Variants in NCOA3 observed in about 807,000 individuals in gnomAD.
NCOA3 encodes the protein nuclear receptor coactivator 3, also known as CBP-interacting protein.
Under a neutral mutation model 158.8 loss-of-function variants are expected in NCOA3, and 51 were observed. The observed-to-expected ratio is 0.32, with a 90% CI of 0.26 to 0.41. The LOEUF is 0.41. Ranked by LOEUF, NCOA3 falls within the 10% of genes least tolerant of loss-of-function variation. The pLI is 1.00. For synonymous variants in NCOA3, 537 were observed against 592.4 expected (o/e 0.91, Z 1.36); for missense variants, 1,510 against 1,746.6 (o/e 0.86, Z 2.41).
At chr20:47,649,786 G>C (rs2146345564) in intron 19 of NCOA3, among the ~76,000 whole-genome samples, 1 of 152,206 alleles carries the variant, frequency 6.6e-6, no homozygotes, top group African/African-American at 2.4e-5. Flanking sequence ...ACATCTTGTG[G>C]AAGCTGAGCT....
intron 1 of NCOA3, among the ~76,000 whole-genome samples, chr20:47,532,326 A>T (rs2084560237): frequency 6.6e-6 from 1 of 152,150 alleles, no homozygotes; most frequent in Non-Finnish European, 1.5e-5. Context: ...GTGAATTTGA[A>T]GAACAGCAAG....
intron 12 of NCOA3, 118 bp downstream of exon 12, chr20:47,636,880 ATTTC>A: frequency 2.2e-6 from 2 of 906,782 alleles, no homozygotes; most frequent in Non-Finnish European, 3.2e-6. Flanking sequence ...TTTAGCTCTC[ATTTC>A]TTTATAATTA....
chr20:47,618,670 T>A, intron 2 of NCOA3, among the ~76,000 whole-genome samples: 1 of 152,124 alleles, frequency 6.6e-6, no homozygotes, highest in East Asian at 1.9e-4. Context: ...TAGTACCTTT[T>A]TGGATAATTA....
At chr20:47,581,085 CAG>C (rs2085445221) in intron 1 of NCOA3, among the ~76,000 whole-genome samples, 1 of 151,912 alleles carries the variant, frequency 6.6e-6, no homozygotes, top group Non-Finnish European at 1.5e-5. Context: ...AGTCTGGGCA[CAG>C]AGTGAGATCC....
chr20:47,642,167 G>GA (rs11480806), intron 16 of NCOA3, 46 bp from the exon 17 acceptor site: 74,479 of 1,006,074 alleles, frequency 0.074, 1,047 homozygotes, highest in African/African-American at 0.23. Context: ...ATTACTCTTA[G>GA]AAAAAAAAAA....
intron 1 of NCOA3, among the ~76,000 whole-genome samples, chr20:47,575,068 G>A (rs1281070969): frequency 6.6e-6 from 1 of 152,126 alleles, no homozygotes; most frequent in Non-Finnish European, 1.5e-5. Flanking sequence ...CTATCTGAGG[G>A]TTAATAATAA....
At chr20:47,502,491 C>G (rs2083951877) in intron 1 of NCOA3, among the ~76,000 whole-genome samples, 1 of 152,136 alleles carries the variant, frequency 6.6e-6, no homozygotes, top group Admixed American at 6.5e-5. Context: ...AGCCTCCCAG[C>G]CGGGTGAGAT....
chr20:47,568,430 A>AAGT (rs1397968112), intron 1 of NCOA3, among the ~76,000 whole-genome samples: 2 of 152,176 alleles, frequency 1.3e-5, no homozygotes, highest in Non-Finnish European at 2.9e-5. Flanking sequence ...AGTAGATAAA[A>AAGT]AGTTATGTTT....
rs1393331448 is a variant in NCOA3 at position 47,654,684 on chromosome 20, T to G, written c.*1267T>G. The G allele has an allele frequency of 1.3e-5, 2 of 152,648 alleles. No individual in the cohort carries two copies. The highest frequency in any genetic ancestry group is 1.9e-4 in the East Asian group (1 of 5,188). 9.5% of individuals were successfully genotyped at this position (152,648 alleles called of 1,614,324 possible). On this transcript the variant is annotated 3_prime_UTR_variant, in exon 23 of 23. Coordinates refer to ENST00000371998, the MANE Select transcript of NCOA3 (RefSeq NM_181659.3). ...ATTTGTTTAGATGTAGGCATTTTAA[T>G]TTTTTAAAAATTCCTCTACCAGAAC...
At chr20:47,627,849 C>A in intron 7 of NCOA3, 73 bp from the exon 8 acceptor site, 1 of 1,567,718 alleles carries the variant, frequency 6.4e-7, no homozygotes, top group Non-Finnish European at 8.8e-7. Flanking sequence ...AATTCCATGT[C>A]TTTGCTTGCC....
intron 2 of NCOA3, among the ~76,000 whole-genome samples, chr20:47,585,200 C>A (rs984597897): frequency 1.3e-5 from 2 of 151,846 alleles, no homozygotes; most frequent in Non-Finnish European, 2.9e-5. Flanking sequence ...TACAGGCGTG[C>A]ACGGCCACAT....
At position 47,649,118 on chromosome 20, in the gene NCOA3, G is replaced by C. The variant is rs745385074; in HGVS notation, c.3651+9G>C. 1 of 1,587,972 alleles carries C rather than the reference G, an allele frequency of 6.3e-7. No individual in the cohort carries two copies. The highest frequency in any genetic ancestry group is 1.3e-5 in the African/African-American group (1 of 74,450). ...CCCAGGTGAGCTCCCAGGTGAGGATGATAAGCCTCTCCACATGCATTGCTC... is the reference window on the plus strand; with the variant it reads ...CCCAGGTGAGCTCCCAGGTGAGGATCATAAGCCTCTCCACATGCATTGCTC... On this transcript the variant is annotated intron_variant, in intron 19 of 22. Transcript: ENST00000371998.
intron 2 of NCOA3, among the ~76,000 whole-genome samples, chr20:47,593,483 A>C (rs1228409362): frequency 1.3e-5 from 2 of 151,156 alleles, no homozygotes; most frequent in Non-Finnish European, 2.9e-5. Context: ...CTGCGACTAC[A>C]GGCGCCCGCC....
At chr20:47,635,236 T>A (rs1215528140) in intron 10 of NCOA3, 86 bp from the exon 11 acceptor site, 4 of 1,384,176 alleles carry the variant, frequency 2.9e-6, no homozygotes, top group East Asian at 2.5e-5. Flanking sequence ...GCTGGTTTTT[T>A]AAAATTTTAT....
intron 2 of NCOA3, among the ~76,000 whole-genome samples, chr20:47,617,403 A>G (rs1446953120): frequency 1.3e-5 from 2 of 152,192 alleles, no homozygotes; most frequent in African/African-American, 2.4e-5. Flanking sequence ...TCAGGTAGTT[A>G]CTGTTCCATG....
At chr20:47,615,205 T>A (rs2086112598) in intron 2 of NCOA3, among the ~76,000 whole-genome samples, 1 of 152,242 alleles carries the variant, frequency 6.6e-6, no homozygotes, top group Non-Finnish European at 1.5e-5. Flanking sequence ...ATGAGATGTC[T>A]AGTATTGTAC....
intron 3 of NCOA3, 117 bp from the exon 4 acceptor site, chr20:47,623,787 CTCGAGGA>C (rs2086278703): frequency 1.1e-6 from 1 of 913,590 alleles, no homozygotes; most frequent in South Asian, 2.0e-5. Context: ...AAAACTCTGT[CTCGAGGA>C]AAAAAAAAAA....
intron 1 of NCOA3, 39 bp from the exon 2 acceptor site, chr20:47,583,144 A>T: frequency 5.0e-6 from 2 of 398,612 alleles, no homozygotes; most frequent in Non-Finnish European, 8.8e-6. Flanking sequence ...TGAAGAAAAG[A>T]CAATAAAATT....
chr20:47,595,944 T>G (rs1231179999), intron 2 of NCOA3, among the ~76,000 whole-genome samples: 1 of 152,208 alleles, frequency 6.6e-6, no homozygotes, highest in Non-Finnish European at 1.5e-5. Context: ...CACTCAGATG[T>G]TAGAGCAAGT....
Sources: allele counts gnomAD v4.1 joint callset (sites outside exome capture counted in the v4.1 genomes callset), GRCh38; gene constraint gnomAD v4.1.1; transcripts MANE v1.5; gene names NCBI Gene and HGNC (gene_info 2026-07-23, HGNC 2026-07-21).